STK3: variants seen among roughly 807,000 people sequenced by gnomAD.
STK3 encodes the protein serine/threonine-protein kinase 3.
A neutral mutation model predicts 58.0 loss-of-function variants in STK3; 41 were observed. The observed-to-expected ratio is 0.71, with a 90% CI of 0.55 to 0.92. The LOEUF is 0.92. Ranked by LOEUF, STK3 falls within the 40% of genes least tolerant of loss-of-function variation. The pLI, the probability that STK3 is intolerant of heterozygous loss-of-function variation, is 0.00. For synonymous variants in STK3, 170 were observed against 191.0 expected, an observed-to-expected ratio of 0.89 and a Z score of 0.91; for missense variants, 479 against 602.7, an observed-to-expected ratio of 0.79 and a Z score of 2.15.
chr8:98,449,025 T>C (rs914809928), intron 1 of STK3, among the ~76,000 whole-genome samples: 47 of 152,162 alleles, frequency 3.1e-4, no homozygotes, highest in African/African-American at 1.1e-3. Flanking sequence ...CTTGAATCAG[T>C]TTTTGTGTTA....
intron 1 of STK3, among the ~76,000 whole-genome samples, chr8:98,788,611 G>A (rs1832622642): frequency 6.6e-6 from 1 of 151,960 alleles, no homozygotes; most frequent in Admixed American, 6.6e-5. Context: ...GACACCAAAA[G>A]CGAGTAGGAA....
chr8:98,712,893 T>C (rs1002399340), intron 4 of STK3, among the ~76,000 whole-genome samples: 78 of 152,218 alleles, frequency 5.1e-4, no homozygotes, highest in African/African-American at 1.7e-3. Context: ...AGTAAAGCAC[T>C]CCTCAGCAAA....
At position 98,926,433 on chromosome 8, in the gene STK3, C is replaced by T. The variant is rs545925474; in HGVS notation, c.-79+15945G>A. On this transcript the variant is annotated intron_variant, in intron 1 of 1. Coordinates refer to the STK3 transcript ENST00000519420. Reference sequence around the variant, plus strand: ...ATGGAATACGGAACTTTTCATTCTACCCAAGATGCCACTTATGGACCCTCA... The same window carrying T: ...ATGGAATACGGAACTTTTCATTCTATCCAAGATGCCACTTATGGACCCTCA... Among the ~76,000 whole-genome samples the T allele has an allele frequency of 2.0e-5, 3 of 152,194 alleles. No homozygotes were observed. In the South Asian group the frequency reaches 6.2e-4, roughly 32 times the overall value.
intron 1 of STK3, among the ~76,000 whole-genome samples, chr8:98,900,224 C>T (rs1391327193): frequency 2.6e-5 from 4 of 151,872 alleles, no homozygotes; most frequent in Admixed American, 1.3e-4. Flanking sequence ...TTACAGGCGC[C>T]CGCCACTACA....
intron 1 of STK3, among the ~76,000 whole-genome samples, chr8:98,802,778 G>T (rs1833640773): frequency 6.6e-6 from 1 of 152,122 alleles, no homozygotes; most frequent in African/African-American, 2.4e-5. Flanking sequence ...TAAAAATCAT[G>T]TTGCAGAAAA....
chr8:98,369,177 T>C (rs1426452882), downstream of STK3, among the ~76,000 whole-genome samples: 1 of 152,218 alleles, frequency 6.6e-6, no homozygotes, highest in African/African-American at 2.4e-5. Flanking sequence ...AATTACCTTT[T>C]AACAGAATGA....
intron 8 of STK3, among the ~76,000 whole-genome samples, chr8:98,556,268 C>T (rs1021728864): frequency 5.3e-5 from 8 of 152,066 alleles, no homozygotes; most frequent in Non-Finnish European, 1.2e-4. Flanking sequence ...ACCCCAGGTG[C>T]CTGATAGAAA....
At chr8:98,832,253 A>T (rs1010216917) in intron 3 of STK3, among the ~76,000 whole-genome samples, 74 of 129,982 alleles carry the variant, frequency 5.7e-4, no homozygotes, top group South Asian at 1.2e-3. Context: ...TGAAAAAAAA[A>T]AAATATATAT....
At chr8:98,489,113 A>T (rs1386126035) in intron 10 of STK3, among the ~76,000 whole-genome samples, 1 of 152,132 alleles carries the variant, frequency 6.6e-6, no homozygotes, top group Non-Finnish European at 1.5e-5. Context: ...TTTGTTAAAC[A>T]ATGCTGTCAA....
At chr8:98,695,439 G>A (rs1337326131) in intron 6 of STK3, among the ~76,000 whole-genome samples, 1 of 152,084 alleles carries the variant, frequency 6.6e-6, no homozygotes, top group Non-Finnish European at 1.5e-5. Context: ...TGTCCTGAAT[G>A]GTAATGCCTA....
chr8:98,429,864 G>C (rs1818304544), intron 3 of STK3: 1 of 170,500 alleles, frequency 5.9e-6, no homozygotes, highest in Non-Finnish European at 1.4e-5. Context: ...GATATGATGA[G>C]ATTTTGCTCA....
chr8:98,860,566 A>C lies in STK3; in HGVS notation c.110+23081T>G, dbSNP rs548306548. The stretch of plus-strand genomic sequence containing the variant: ...CCCTCAACCCTCATAGCCCAACAGA[A>C]AAAAAGAACATGTCAGTAAGTACAT... On this transcript the variant is annotated intron_variant, in intron 3 of 12. Coordinates refer to the STK3 transcript ENST00000523601. Among the ~76,000 whole-genome samples, 12 of 152,346 alleles carry C rather than the reference A, an allele frequency of 7.9e-5. No homozygotes were observed. In the South Asian group the frequency reaches 2.5e-3, roughly 32 times the overall value.
At chr8:98,513,117 A>G (rs1277980894) in intron 10 of STK3, among the ~76,000 whole-genome samples, 1 of 152,198 alleles carries the variant, frequency 6.6e-6, no homozygotes, top group Non-Finnish European at 1.5e-5. Flanking sequence ...GCTGACTGAA[A>G]GTGTTTAACT....
In STK3 at chr8:98,731,671, C is replaced by T. The variant is rs1243500395; in HGVS notation, c.351+17605G>A. Among the ~76,000 whole-genome samples, 14 of 150,036 alleles carry T rather than the reference C, an allele frequency of 9.3e-5. 1 individual carries two copies. Among genetic ancestry groups the T allele is most frequent in the Admixed American group, 6.7e-4 (10 of 14,916 alleles). Reference sequence around the variant, plus strand: ...CCGGGAGGCAGAGCTTGCAGTAAGCCGAGATGGCGCCACTGCACTCCAGCC... The same window carrying T: ...CCGGGAGGCAGAGCTTGCAGTAAGCTGAGATGGCGCCACTGCACTCCAGCC... On this transcript the variant is annotated intron_variant, in intron 4 of 10. Coordinates refer to ENST00000419617, the MANE Select transcript of STK3 (RefSeq NM_006281.4).
chr8:98,806,760 A>T (rs184147001), intron 1 of STK3, among the ~76,000 whole-genome samples: 1 of 152,186 alleles, frequency 6.6e-6, no homozygotes, highest in East Asian at 1.9e-4. Context: ...AAGTAACAGT[A>T]AATAATATAG....
chr8:98,566,716 T>C (rs1812510642), intron 8 of STK3, among the ~76,000 whole-genome samples: 1 of 152,146 alleles, frequency 6.6e-6, no homozygotes, highest in Non-Finnish European at 1.5e-5. Context: ...CAGTAAAAGC[T>C]GCCAGAGAAT....
chr8:98,622,287 A>AT (rs1370490946), intron 6 of STK3, among the ~76,000 whole-genome samples: 1 of 151,576 alleles, frequency 6.6e-6, no homozygotes, highest in African/African-American at 2.4e-5. Context: ...AAAAAATTGG[A>AT]TTTTTTTGGT....
At chr8:98,883,524 A>G, downstream of STK3, 1 of 586,294 alleles carries the variant, frequency 1.7e-6, no homozygotes, top group South Asian at 2.2e-5. Flanking sequence ...GTTTCCAAGT[A>G]ACACATCAAT....
chr8:98,790,579 T>C (rs1279001542), intron 1 of STK3, among the ~76,000 whole-genome samples: 3 of 152,174 alleles, frequency 2.0e-5, no homozygotes, highest in African/African-American at 7.2e-5. Flanking sequence ...AGGAAAAAGC[T>C]GAAAGCACTC....
Sources: gnomAD v4.1 joint callset for allele counts (sites outside exome capture counted in the v4.1 genomes callset) on GRCh38, gnomAD v4.1.1 for gene constraint, MANE v1.5 for transcripts, NCBI Gene and HGNC (gene_info 2026-07-23, HGNC 2026-07-21) for gene names.